CAMK4: variants seen among roughly 807,000 people sequenced by gnomAD.
CAMK4 encodes the protein calcium/calmodulin dependent protein kinase IV.
A neutral mutation model predicts 44.9 loss-of-function variants in CAMK4; 22 were observed. That is an observed-to-expected ratio of 0.49 (90% CI 0.35 to 0.70). CAMK4 has a LOEUF of 0.70. Ranked by LOEUF, CAMK4 falls within the 30% of genes least tolerant of loss-of-function variation. The pLI, the probability that CAMK4 is intolerant of heterozygous loss-of-function variation, is 0.01. For synonymous variants in CAMK4, 218 were observed against 215.4 expected (o/e 1.01, Z -0.11); for missense variants, 498 against 586.8 (o/e 0.85, Z 1.56).
intron 1 of CAMK4, chr5:111,283,041 G>T (rs1054308787): frequency 3.3e-5 from 5 of 152,204 alleles, no homozygotes; most frequent in African/African-American, 1.2e-4. Context: ...GCTAGCCTGG[G>T]AAAAGATTGA....
At chr5:111,247,797 A>G (rs1332235824) in intron 1 of CAMK4, among the ~76,000 whole-genome samples, 2 of 152,192 alleles carry the variant, frequency 1.3e-5, no homozygotes, top group Admixed American at 6.5e-5. Flanking sequence ...TCATAGCAAT[A>G]TCAAGACTAG....
chr5:111,406,212 C>CTG, intron 5 of CAMK4, among the ~76,000 whole-genome samples: 1 of 150,994 alleles, frequency 6.6e-6, no homozygotes, highest in South Asian at 2.1e-4. Context: ...CTCTCTCTCT[C>CTG]TCTCTCTCTC....
intron 1 of CAMK4, 89 bp from the exon 2 acceptor site, chr5:111,343,935 G>C: frequency 1.4e-6 from 1 of 733,462 alleles, no homozygotes; most frequent in Non-Finnish European, 2.4e-6. Flanking sequence ...AGTTATGTGG[G>C]TTATTGCAAG....
rs142501835 is a variant in CAMK4 at position 111,270,817 on chromosome 5, C to T, written c.161+46173C>T. On this transcript the variant is annotated intron_variant, in intron 1 of 10. Transcript: ENST00000282356. The stretch of plus-strand genomic sequence containing the variant: ...CATGTAGTAATTATCTAATATTTGC[C>T]GAATGAGTGTATTAGACCATTCTCA... Among the ~76,000 whole-genome samples, 524 of 152,266 alleles carry T rather than the reference C, an allele frequency of 3.4e-3. 4 individuals carry two copies. Among genetic ancestry groups the T allele is most frequent in the African/African-American group, 0.012 (498 of 41,554 alleles).
At chr5:111,434,037 C>T (rs945783506) in intron 5 of CAMK4, among the ~76,000 whole-genome samples, 58 of 152,098 alleles carry the variant, frequency 3.8e-4, no homozygotes, top group African/African-American at 9.9e-4. Context: ...TGGCTCATGC[C>T]TGTAATTCCA....
At chr5:111,283,139 T>C (rs1046602573) in intron 1 of CAMK4, 2 of 152,230 alleles carry the variant, frequency 1.3e-5, no homozygotes, top group Admixed American at 1.3e-4. Context: ...GAGGAACGAT[T>C]GTAAACCAGG....
At chr5:111,340,047 A>G (rs903777234) in intron 1 of CAMK4, among the ~76,000 whole-genome samples, 6 of 151,070 alleles carry the variant, frequency 4.0e-5, no homozygotes, top group African/African-American at 1.5e-4. Flanking sequence ...AGAGAAACCC[A>G]ACTGATTTTT....
intron 2 of CAMK4, among the ~76,000 whole-genome samples, chr5:111,371,692 A>G (rs1394041599): frequency 2.0e-5 from 3 of 152,202 alleles, no homozygotes; most frequent in Admixed American, 6.5e-5. Flanking sequence ...TTTAAATTTT[A>G]TCTATTTAAT....
At chr5:111,376,975 G>T (rs1751235458) in intron 4 of CAMK4, 33 bp downstream of exon 4, 2 of 1,446,166 alleles carry the variant, frequency 1.4e-6, no homozygotes, top group South Asian at 1.2e-5. Flanking sequence ...ACCACAGAAA[G>T]GTTTGCTTTT....
chr5:111,457,719 C>T (rs1754468609), intron 7 of CAMK4, among the ~76,000 whole-genome samples: 1 of 152,156 alleles, frequency 6.6e-6, no homozygotes, highest in South Asian at 2.1e-4. Context: ...AAATACATCT[C>T]ATAATCTAAA....
chr5:111,225,284 A>T (rs1484503133), intron 1 of CAMK4, among the ~76,000 whole-genome samples: 1 of 152,184 alleles, frequency 6.6e-6, no homozygotes, highest in East Asian at 1.9e-4. Context: ...CCCTTCTTTC[A>T]TGGGCTGGAG....
intron 5 of CAMK4, among the ~76,000 whole-genome samples, chr5:111,419,357 G>A (rs1273182873): frequency 6.6e-6 from 1 of 152,160 alleles, no homozygotes; most frequent in African/African-American, 2.4e-5. Flanking sequence ...TTTGTCAGAT[G>A]AGTAGGTTGT....
chr5:111,371,625 A>C (rs1273664012), intron 2 of CAMK4, among the ~76,000 whole-genome samples: 2 of 152,204 alleles, frequency 1.3e-5, no homozygotes, highest in Non-Finnish European at 2.9e-5. Flanking sequence ...CATAGAAACT[A>C]AAGAAATTAC....
intron 5 of CAMK4, among the ~76,000 whole-genome samples, chr5:111,419,023 C>A (rs1012999257): frequency 1.2e-4 from 19 of 152,120 alleles, no homozygotes; most frequent in African/African-American, 3.4e-4. Context: ...GCCACACTGA[C>A]TTCCACAATG....
rs541790111 is a variant in CAMK4, at chr5:111,363,785, T to C, written c.241-11065T>C. Reference sequence around the variant, plus strand: ...ATGAAGGACAGTGACATCAGACCAATAGGGTGAGGCCAAGCCATCCTGTTT... The same window carrying C: ...ATGAAGGACAGTGACATCAGACCAACAGGGTGAGGCCAAGCCATCCTGTTT... On this transcript the variant is annotated intron_variant, in intron 2 of 10. Coordinates refer to ENST00000282356, the MANE Select transcript of CAMK4 (RefSeq NM_001744.6). Among the ~76,000 whole-genome samples, 20 of 152,192 alleles carry C rather than the reference T, an allele frequency of 1.3e-4. 1 individual carries two copies. The South Asian group carries it at 3.9e-3, about 30-fold the overall frequency.
chr5:111,373,942 G>A (rs777281061), intron 2 of CAMK4, among the ~76,000 whole-genome samples: 18 of 152,056 alleles, frequency 1.2e-4, no homozygotes, highest in Admixed American at 1.1e-3. Flanking sequence ...GATTAAAGGG[G>A]TCAATCACTG....
Position 111,330,087 on chromosome 5 carries a change from CCA to C in CAMK4, c.162-13935_162-13934del, listed in dbSNP as rs138919937. Among the ~76,000 whole-genome samples, 4 of 54,158 alleles carry C rather than the reference CCA, an allele frequency of 7.4e-5. No homozygotes were observed. In the South Asian group the frequency reaches 3.1e-3, roughly 42 times the overall value. The allele number at this position is 54,158 out of a possible 152,430, so 35.5% of individuals were successfully genotyped here. A position where few individuals can be genotyped will look rare whatever the true frequency, so the allele number is the denominator to read the frequency against. On this transcript the variant is annotated intron_variant, in intron 1 of 10. Transcript: ENST00000282356. ...GTAGAAGTCCTCAGAATTCTACTCCCCACCACCCCTACAAAAAAACAAACAAA... is the reference window on the plus strand; with the variant it reads ...GTAGAAGTCCTCAGAATTCTACTCCCCCACCCCTACAAAAAAACAAACAAA...
At position 111,384,360 on chromosome 5, in the gene CAMK4, A is replaced by G. The variant is rs183201221; in HGVS notation, c.386+7418A>G. 4.1e-4 allele frequency among the ~76,000 whole-genome samples: 62 copies of G among 151,810 alleles called. 1 individual carries two copies. Among genetic ancestry groups the G allele is most frequent in the African/African-American group, 1.5e-3 (61 of 41,388 alleles). On this transcript the variant is annotated intron_variant, in intron 4 of 10. Coordinates refer to ENST00000282356, the MANE Select transcript of CAMK4 (RefSeq NM_001744.6). ...CAACTTTTCAGCCGTCTCCCTCTTG[A>G]TCTCTTTCCTGAGTTCCTCTTCCCC... is the stretch of plus-strand genomic sequence containing the variant.
At chr5:111,259,595 A>C (rs746755939) in intron 1 of CAMK4, among the ~76,000 whole-genome samples, 1 of 152,230 alleles carries the variant, frequency 6.6e-6, no homozygotes, top group Non-Finnish European at 1.5e-5. Context: ...TTATCCAGGC[A>C]ATAACGGTGA....
Sources: allele counts gnomAD v4.1 joint callset (sites outside exome capture counted in the v4.1 genomes callset), GRCh38; gene constraint gnomAD v4.1.1; transcripts MANE v1.5; gene names NCBI Gene and HGNC (gene_info 2026-07-23, HGNC 2026-07-21).